The following FOXN3 variants were observed in gnomAD, a reference collection of about 807,000 sequenced individuals.
The protein encoded by FOXN3 is forkhead box protein N3.
A neutral mutation model predicts 38.4 loss-of-function variants in FOXN3; 7 were observed. The ratio of observed to expected loss-of-function variants is 0.18; its 90% CI spans 0.10 to 0.34. The LOEUF (loss-of-function observed/expected upper bound fraction) is 0.34. Ranked by LOEUF, FOXN3 falls within the 10% of genes least tolerant of loss-of-function variation. The pLI, the probability that FOXN3 is intolerant of heterozygous loss-of-function variation, is 1.00. For missense variants in FOXN3, 456 were observed against 613.4 expected (o/e 0.74, Z 2.71); for synonymous variants, 230 against 242.2 (o/e 0.95, Z 0.47).
chr14:89,190,350 T>C (rs781121563), intron 4 of FOXN3: 1 of 1,537,746 alleles, frequency 6.5e-7, no homozygotes, highest in Non-Finnish European at 9.0e-7. Context: ...GTTCACAAAC[T>C]ATGGTGCTGT....
chr14:89,427,081 T>A (rs983448397), intron 1 of FOXN3, among the ~76,000 whole-genome samples: 1 of 150,134 alleles, frequency 6.7e-6, no homozygotes, highest in Admixed American at 6.6e-5. Context: ...ATACAAAAAT[T>A]AGCCGGGCGC....
At chr14:89,292,585 G>A (rs1260132018) in intron 3 of FOXN3, among the ~76,000 whole-genome samples, 2 of 152,284 alleles carry the variant, frequency 1.3e-5, no homozygotes, top group East Asian at 3.9e-4. Context: ...AAAGGAGGGA[G>A]CCACCCCCCT....
At chr14:89,299,918 G>C (rs1887165221) in intron 3 of FOXN3, among the ~76,000 whole-genome samples, 1 of 152,214 alleles carries the variant, frequency 6.6e-6, no homozygotes, top group African/African-American at 2.4e-5. Flanking sequence ...CACATGGTGA[G>C]TAAAAATATC....
intron 2 of FOXN3, among the ~76,000 whole-genome samples, chr14:89,393,672 ATCAGTTGGGATTACATT>A (rs893698907): frequency 1.5e-4 from 23 of 152,214 alleles, no homozygotes; most frequent in African/African-American, 5.5e-4. Context: ...GGGAAAAAAG[ATCAGTTGGGATTACATT>A]TCATAAGACT....
chr14:89,350,858 C>G lies in FOXN3; in HGVS notation c.544-50G>C, dbSNP rs765827361. On this transcript the variant is annotated intron_variant, in intron 2 of 5. Transcript: ENST00000557258. ...GGCATTAATAGAGAATTATTAAGTACTTTGCAATAAGTAGATGTATAGCTA... is the reference window on the plus strand; with the variant it reads ...GGCATTAATAGAGAATTATTAAGTAGTTTGCAATAAGTAGATGTATAGCTA... 3.0e-5 allele frequency: 41 copies of G among 1,370,716 alleles called. 1 individual carries two copies. Among genetic ancestry groups the G allele is most frequent in the South Asian group, 2.3e-4 (14 of 60,616 alleles). 84.9% of individuals were successfully genotyped at this position (1,370,716 alleles called of 1,614,324 possible).
At chr14:89,375,081 T>A (rs1322861332) in intron 2 of FOXN3, among the ~76,000 whole-genome samples, 1 of 152,096 alleles carries the variant, frequency 6.6e-6, no homozygotes, top group Non-Finnish European at 1.5e-5. Flanking sequence ...CTTCTGTGGC[T>A]GCCTGAGGGT....
intron 1 of FOXN3, among the ~76,000 whole-genome samples, chr14:89,511,202 CT>C (rs1259925539): frequency 0.065 from 557 of 8,574 alleles, 159 homozygotes; most frequent in Non-Finnish European, 0.22. Flanking sequence ...TTCTTTCTTT[CT>C]TTTCTTTCTT....
rs1894081305 is a variant in FOXN3, at chr14:89,511,259, CTTTCTTTCTTT to C, written c.-14-98780_-14-98770del. Among the ~76,000 whole-genome samples the C allele has an allele frequency of 6.3e-5, 2 of 31,860 alleles. 1 individual carries two copies. Among genetic ancestry groups the C allele is most frequent in the Non-Finnish European group, 1.5e-4 (2 of 13,700 alleles). 20.9% of individuals were successfully genotyped at this position (31,860 alleles called of 152,430 possible). ...TTCCTTTTCTTTCTTTTCTTTCTTT[CTTTCTTTCTTT>C]CTTTCTTTCTTTCTTTCTTTCTTTC... is the stretch of plus-strand genomic sequence containing the variant. On this transcript the variant is annotated intron_variant, in intron 1 of 6. Coordinates refer to the FOXN3 transcript ENST00000345097.
chr14:89,482,408 C>T (rs1284946528), intron 1 of FOXN3, among the ~76,000 whole-genome samples: 1 of 151,024 alleles, frequency 6.6e-6, no homozygotes, highest in East Asian at 2.0e-4. Context: ...ATTGCTTAAG[C>T]CCAGAAGTTT....
At chr14:89,332,312 T>C (rs1179227469) in intron 3 of FOXN3, among the ~76,000 whole-genome samples, 3 of 152,206 alleles carry the variant, frequency 2.0e-5, no homozygotes, top group African/African-American at 7.2e-5. Context: ...TATATACATA[T>C]ATTTTAATAA....
chr14:89,593,272 T>A (rs1895995439), intron 1 of FOXN3, among the ~76,000 whole-genome samples: 1 of 151,744 alleles, frequency 6.6e-6, no homozygotes, highest in African/African-American at 2.4e-5. Flanking sequence ...AGGAGAAGTA[T>A]GTTTAGAGAG....
chr14:89,503,673 G>A (rs968368044), intron 1 of FOXN3, among the ~76,000 whole-genome samples: 3 of 152,208 alleles, frequency 2.0e-5, no homozygotes, highest in African/African-American at 7.2e-5. Flanking sequence ...GACCGAGTCA[G>A]GGACTGGGCT....
chr14:89,367,393 C>A (rs958519494), intron 2 of FOXN3, among the ~76,000 whole-genome samples: 3 of 152,186 alleles, frequency 2.0e-5, no homozygotes, highest in African/African-American at 7.2e-5. Flanking sequence ...AAAGATAAAT[C>A]CGAAACCATC....
At chr14:89,194,836 T>G (rs956617232) in intron 4 of FOXN3, among the ~76,000 whole-genome samples, 20 of 152,060 alleles carry the variant, frequency 1.3e-4, no homozygotes, top group African/African-American at 4.8e-4. Flanking sequence ...AAAATAAGCA[T>G]ATATGTACAT....
At chr14:89,603,044 A>T (rs766164235) in intron 1 of FOXN3, among the ~76,000 whole-genome samples, 1 of 152,048 alleles carries the variant, frequency 6.6e-6, no homozygotes, top group Non-Finnish European at 1.5e-5. Flanking sequence ...TCCTGGGCAA[A>T]CACCTAGACC....
chr14:89,531,913 G>A lies in FOXN3; in HGVS notation c.-15+87115C>T, dbSNP rs551639797. Among the ~76,000 whole-genome samples, 24 of 152,274 alleles carry A rather than the reference G, an allele frequency of 1.6e-4. No individual in the cohort carries two copies. The South Asian group carries it at 4.6e-3, about 29-fold the overall frequency. The stretch of plus-strand genomic sequence containing the variant: ...CAACCTCCACCTTCCAGGTTCAAGC[G>A]ATTCTCCCCCTCAGCCTCCTGAGTA... On this transcript the variant is annotated intron_variant, in intron 1 of 6. Transcript: ENST00000345097.
intron 1 of FOXN3, among the ~76,000 whole-genome samples, chr14:89,422,525 T>G (rs1891935822): frequency 6.6e-6 from 1 of 152,212 alleles, no homozygotes; most frequent in African/African-American, 2.4e-5. Context: ...AGATAACTCC[T>G]TAATCATGGG....
chr14:89,538,548 T>C (rs1894732961), intron 1 of FOXN3, among the ~76,000 whole-genome samples: 1 of 152,242 alleles, frequency 6.6e-6, no homozygotes, highest in Non-Finnish European at 1.5e-5. Flanking sequence ...GATGGAGTTT[T>C]GCCTTTGTTG....
At chr14:89,295,836 G>A (rs1887021762) in intron 3 of FOXN3, among the ~76,000 whole-genome samples, 1 of 141,338 alleles carries the variant, frequency 7.1e-6, no homozygotes, top group Non-Finnish European at 1.5e-5. Context: ...CTAGGCTCAA[G>A]AGCTCCTGCC....
Sources: gnomAD v4.1 joint callset for allele counts (sites outside exome capture counted in the v4.1 genomes callset) on GRCh38, gnomAD v4.1.1 for gene constraint, MANE v1.5 for transcripts, NCBI Gene and HGNC (gene_info 2026-07-23, HGNC 2026-07-21) for gene names.